MYL12B: variants seen among roughly 807,000 people sequenced by gnomAD.
The protein encoded by MYL12B is myosin regulatory light chain 12B.
A neutral mutation model predicts 12.9 loss-of-function variants in MYL12B; 3 were observed. The observed-to-expected ratio is 0.23, with a 90% confidence interval of 0.11 to 0.60. The LOEUF (loss-of-function observed/expected upper bound fraction) is 0.60, where lower values mean the gene tolerates loss of function less well. Ranked by LOEUF, MYL12B falls within the 20% of genes least tolerant of loss-of-function variation. The pLI is 0.89. For missense variants in MYL12B, 120 were observed against 215.4 expected, an observed-to-expected ratio of 0.56 and a Z score of 2.77; for synonymous variants, 57 against 71.9, an observed-to-expected ratio of 0.79 and a Z score of 1.05.
intron 1 of MYL12B, among the ~76,000 whole-genome samples, chr18:3,265,682 T>C (rs1185316273): frequency 6.6e-6 from 1 of 152,172 alleles, no homozygotes; most frequent in Non-Finnish European, 1.5e-5. Flanking sequence ...GAGTGGTAGC[T>C]TTATACTACC....
At chr18:3,275,765 C>T (rs1264592303) in intron 2 of MYL12B, among the ~76,000 whole-genome samples, 1 of 151,816 alleles carries the variant, frequency 6.6e-6, no homozygotes, top group Non-Finnish European at 1.5e-5. Flanking sequence ...CTTTTGGTTA[C>T]AGTTTTTCTT....
rs138073306 is a variant in MYL12B, at chr18:3,272,210, G to T, written c.-15-674G>T. 6.6e-4 allele frequency: 461 copies of T among 699,748 alleles called. 5 individuals are homozygous for T. The East Asian group carries it at 0.087, about 133-fold the overall frequency. The allele number at this position is 699,748 out of a possible 1,614,324, so 43.3% of individuals were successfully genotyped here. A position where few individuals can be genotyped will look rare whatever the true frequency, so the allele number is the denominator to read the frequency against. ...CTTTTTACATATGTTATCTCAATTAGTTCTTTGCATTGAAGTAGATATCAT... is the reference window on the plus strand; with the variant it reads ...CTTTTTACATATGTTATCTCAATTATTTCTTTGCATTGAAGTAGATATCAT... On this transcript the variant is annotated intron_variant, in intron 1 of 3. Coordinates refer to ENST00000237500, the MANE Select transcript of MYL12B (RefSeq NM_033546.4).
chr18:3,263,592 A>C (rs2144349934), intron 1 of MYL12B, among the ~76,000 whole-genome samples: 1 of 152,360 alleles, frequency 6.6e-6, no homozygotes, highest in East Asian at 1.9e-4. Flanking sequence ...TGTCCAGACA[A>C]GAGTTGCTAG....
Position 3,277,860 on chromosome 18 carries a change from A to G in MYL12B, c.442A>G (p.Ile148Val), listed in dbSNP as rs768484024. ...EVDELYREAP[I>V]DKKGNFNYIE... Reference sequence around the variant, plus strand: ...GGATGAGCTGTACAGAGAAGCACCTATTGACAAAAAGGGGAATTTCAATTA... The same window carrying G: ...GGATGAGCTGTACAGAGAAGCACCTGTTGACAAAAAGGGGAATTTCAATTA... Residue 148 changes from isoleucine to valine, a missense_variant, in exon 4 of 4, where the codon ATT becomes GTT. Ile to Val is a conservative substitution (Grantham distance 29). Coordinates refer to ENST00000237500, the MANE Select transcript of MYL12B (RefSeq NM_033546.4). The G allele has an allele frequency of 1.7e-5, 27 of 1,613,982 alleles. 1 individual carries two copies. In the South Asian group the frequency reaches 1.8e-4, roughly 11 times the overall value.
At chr18:3,266,577 A>C (rs2081636599) in intron 1 of MYL12B, among the ~76,000 whole-genome samples, 1 of 50,490 alleles carries the variant, frequency 2.0e-5, no homozygotes, top group Non-Finnish European at 5.5e-5. Context: ...GACAGATAAC[A>C]AACTAATACC....
intron 2 of MYL12B, among the ~76,000 whole-genome samples, chr18:3,273,304 T>C (rs1598809155): frequency 6.6e-6 from 1 of 152,184 alleles, no homozygotes; most frequent in East Asian, 1.9e-4. Context: ...TAGGCTAATG[T>C]TCCTGTTAGC....
chr18:3,267,898 A>G (rs1342990937), intron 1 of MYL12B, among the ~76,000 whole-genome samples: 1 of 152,254 alleles, frequency 6.6e-6, no homozygotes, highest in African/African-American at 2.4e-5. Flanking sequence ...TATAACCTAC[A>G]CATATCCTCC....
At chr18:3,274,819 A>T (rs187598768) in intron 2 of MYL12B, among the ~76,000 whole-genome samples, 1 of 152,210 alleles carries the variant, frequency 6.6e-6, no homozygotes, top group African/African-American at 2.4e-5. Context: ...TTGCTTTAAC[A>T]TATGTATTTA....
In MYL12B at chr18:3,275,742, G is replaced by A. The variant is rs371847831; in HGVS notation, c.185-1511G>A. ...TCCCTGTAACTTTTTGTACCCTAGCGTTCTCTTCACACCTTTTGGTTACAG... is the reference window on the plus strand; with the variant it reads ...TCCCTGTAACTTTTTGTACCCTAGCATTCTCTTCACACCTTTTGGTTACAG... On this transcript the variant is annotated intron_variant, in intron 2 of 3. Transcript: ENST00000237500. Among the ~76,000 whole-genome samples, 7 of 151,786 alleles carry A rather than the reference G, an allele frequency of 4.6e-5. No homozygotes were observed. In the East Asian group the frequency reaches 9.6e-4, roughly 21 times the overall value.
At chr18:3,266,958 G>A (rs8092119) in intron 1 of MYL12B, among the ~76,000 whole-genome samples, 145,105 of 152,258 alleles carry the variant, frequency 0.95, 69,220 homozygotes, top group Non-Finnish European at 0.98. Flanking sequence ...AACTGGAATT[G>A]GAATCCATGT....
chr18:3,277,556 T>C, intron 3 of MYL12B, 142 bp downstream of exon 3: 1 of 1,374,534 alleles, frequency 7.3e-7, no homozygotes, highest in Non-Finnish European at 9.7e-7. Context: ...TTCTGAGCTT[T>C]TAAATGATTT....
At chr18:3,277,176 G>T in intron 2 of MYL12B, 77 bp from the exon 3 acceptor site, 1 of 1,349,804 alleles carries the variant, frequency 7.4e-7, no homozygotes, top group South Asian at 1.8e-5. Context: ...AAATATGTTG[G>T]GGAGCATAAT....
At chr18:3,272,736 G>T in intron 1 of MYL12B, 148 bp from the exon 2 acceptor site, 1 of 704,334 alleles carries the variant, frequency 1.4e-6, no homozygotes, top group Non-Finnish European at 2.1e-6. Flanking sequence ...TGAAAATAAA[G>T]TTTAGGTGCA....
Position 3,277,868 on chromosome 18 carries a change from A to C in MYL12B, c.450A>C (p.Lys150Asn). ...TGTACAGAGAAGCACCTATTGACAA[A>C]AAGGGGAATTTCAATTACATCGAGT... is the stretch of plus-strand genomic sequence containing the variant. ...DELYREAPID[K>N]KGNFNYIEFT... Residue 150 changes from lysine (K) to asparagine (N), a missense_variant, in exon 4 of 4, where the codon AAA becomes AAC. Physicochemically the swap from Lys to Asn is moderately conservative, Grantham distance 94. Transcript: ENST00000237500. 6.2e-7 allele frequency: 1 copy of C among 1,614,122 alleles called. No individual in the cohort carries two copies. The highest frequency in any genetic ancestry group is 8.5e-7 in the Non-Finnish European group (1 of 1,179,998).
At chr18:3,268,520 G>A (rs138282929) in intron 1 of MYL12B, among the ~76,000 whole-genome samples, 36 of 152,302 alleles carry the variant, frequency 2.4e-4, no homozygotes, top group African/African-American at 8.4e-4. Flanking sequence ...CTACTACACT[G>A]CACAGTTCCA....
At chr18:3,273,970 C>G (rs778170552) in intron 2 of MYL12B, among the ~76,000 whole-genome samples, 1 of 151,390 alleles carries the variant, frequency 6.6e-6, no homozygotes, top group African/African-American at 2.4e-5. Context: ...TGTACTTATT[C>G]CTATCCAACA....
At chr18:3,264,831 G>C (rs1250611013) in intron 1 of MYL12B, among the ~76,000 whole-genome samples, 1 of 152,194 alleles carries the variant, frequency 6.6e-6, no homozygotes, top group Non-Finnish European at 1.5e-5. Context: ...ATGGGAGATG[G>C]TGATTAACTT....
chr18:3,277,249 A>T lies in MYL12B; in HGVS notation c.185-4A>T. The T allele has an allele frequency of 6.4e-7, 1 of 1,565,938 alleles. No individual in the cohort carries two copies. Among genetic ancestry groups the T allele is most frequent in the Non-Finnish European group, 8.7e-7 (1 of 1,155,242 alleles). ...TTTAAATGTTAAAATGTGTATTCTT[A>T]CAGGGAAGAATCCCACTGATGCATA... On this transcript the variant is annotated splice_polypyrimidine_tract_variant and splice_region_variant and intron_variant, in intron 2 of 3. Coordinates refer to ENST00000237500, the MANE Select transcript of MYL12B (RefSeq NM_033546.4).
intron 2 of MYL12B, among the ~76,000 whole-genome samples, chr18:3,275,581 C>T (rs1209495673): frequency 6.6e-6 from 1 of 152,154 alleles, no homozygotes; most frequent in Non-Finnish European, 1.5e-5. Context: ...TAAATATATA[C>T]ACCTCTTGTG....
Sources: allele counts gnomAD v4.1 joint callset (sites outside exome capture counted in the v4.1 genomes callset), GRCh38; gene constraint gnomAD v4.1.1; transcripts MANE v1.5; gene names NCBI Gene and HGNC (gene_info 2026-07-23, HGNC 2026-07-21).